FCHSD2: variants seen among roughly 807,000 people sequenced by gnomAD.
FCHSD2 encodes the protein F-BAR and double SH3 domains protein 2.
In FCHSD2, 38 loss-of-function variants were observed where a neutral mutation model predicts 108.1. That is an observed-to-expected ratio of 0.35 (90% CI 0.27 to 0.46). The LOEUF is 0.46. FCHSD2 is among the 20% of genes least tolerant of loss of function. The pLI, the probability that FCHSD2 is intolerant of heterozygous loss-of-function variation, is 1.00. For synonymous variants in FCHSD2, 279 were observed against 314.7 expected, an observed-to-expected ratio of 0.89 and a Z score of 1.20; for missense variants, 751 against 897.8, an observed-to-expected ratio of 0.84 and a Z score of 2.09.
chr11:72,945,549 G>A (rs566829487), intron 8 of FCHSD2, among the ~76,000 whole-genome samples: 1,797 of 152,242 alleles, frequency 0.012, 35 homozygotes, highest in African/African-American at 0.041. Flanking sequence ...ATTGACAAAT[G>A]GGATCTAATT....
At chr11:73,041,674 C>G (rs1263148060) in intron 3 of FCHSD2, among the ~76,000 whole-genome samples, 4 of 151,966 alleles carry the variant, frequency 2.6e-5, no homozygotes, top group Non-Finnish European at 5.9e-5. Context: ...TTGCAAATAC[C>G]TTCTCCCATT....
intron 3 of FCHSD2, among the ~76,000 whole-genome samples, chr11:73,045,113 G>A (rs1297970709): frequency 1.3e-5 from 2 of 151,468 alleles, no homozygotes; most frequent in Non-Finnish European, 2.9e-5. Context: ...CAAAGGTCAT[G>A]AACAGACACT....
intron 8 of FCHSD2, chr11:72,983,655 T>C (rs537725873): frequency 4.0e-4 from 87 of 217,626 alleles, no homozygotes; most frequent in Non-Finnish European, 6.8e-4. Context: ...TAACAAAAAT[T>C]ATGCTAAAAT....
chr11:72,886,595 A>G (rs1591370384), intron 12 of FCHSD2, among the ~76,000 whole-genome samples: 1 of 152,160 alleles, frequency 6.6e-6, no homozygotes, highest in African/African-American at 2.4e-5. Flanking sequence ...TCAGTCTTTT[A>G]TAAATGTCTA....
At chr11:73,068,582 G>C (rs573160220) in intron 3 of FCHSD2, among the ~76,000 whole-genome samples, 1 of 151,858 alleles carries the variant, frequency 6.6e-6, no homozygotes, top group African/African-American at 2.4e-5. Context: ...TATATTTTTG[G>C]TTTAAAGTTT....
chr11:72,841,222 T>C (rs930819672), intron 18 of FCHSD2, among the ~76,000 whole-genome samples: 8 of 150,778 alleles, frequency 5.3e-5, no homozygotes, highest in African/African-American at 2.0e-4. Context: ...TATTCCTAGC[T>C]ACTAGGGAGG....
chr11:72,891,500 G>A (rs1337114765), intron 10 of FCHSD2, among the ~76,000 whole-genome samples: 1 of 152,162 alleles, frequency 6.6e-6, no homozygotes. Flanking sequence ...GTTTGGGAAT[G>A]AACTTTACTA....
At chr11:72,916,703 T>A (rs1368854253) in intron 9 of FCHSD2, among the ~76,000 whole-genome samples, 1 of 152,226 alleles carries the variant, frequency 6.6e-6, no homozygotes, top group East Asian at 1.9e-4. Context: ...TTATCAGATA[T>A]GTGATGTGCA....
At chr11:72,876,669 C>A (rs1854977025) in intron 12 of FCHSD2, among the ~76,000 whole-genome samples, 1 of 152,064 alleles carries the variant, frequency 6.6e-6, no homozygotes, top group African/African-American at 2.4e-5. Flanking sequence ...TCGATGAATG[C>A]CAATTAGGTA....
At chr11:72,990,273 A>G (rs1857386249) in intron 5 of FCHSD2, among the ~76,000 whole-genome samples, 2 of 152,196 alleles carry the variant, frequency 1.3e-5, no homozygotes, top group African/African-American at 4.8e-5. Flanking sequence ...AGAAGACACA[A>G]TGTCAGCTGT....
At chr11:72,891,508 C>CTAT (rs1427093022) in intron 10 of FCHSD2, among the ~76,000 whole-genome samples, 1 of 152,136 alleles carries the variant, frequency 6.6e-6, no homozygotes, top group African/African-American at 2.4e-5. Flanking sequence ...ATGAACTTTA[C>CTAT]TATTATATTT....
rs569278371 is a variant in FCHSD2 at position 73,142,218 on chromosome 11, C to T, written c.-341G>A. 6.5e-4 allele frequency: 108 copies of T among 166,462 alleles called. No individual in the cohort carries two copies. The highest frequency in any genetic ancestry group is 2.4e-3 in the African/African-American group (101 of 41,892). The allele number at this position is 166,462 out of a possible 1,614,324, so 10.3% of individuals were successfully genotyped here. A position where few individuals can be genotyped will look rare whatever the true frequency, so the allele number is the denominator to read the frequency against. On this transcript the variant is annotated 5_prime_UTR_variant, in exon 1 of 20. Transcript: ENST00000409418. ...TCAGCCGGCCGGGCGGCGGGTTAGC[C>T]GCAGCCGCGTTGTCCGCGCTCCCGG...
chr11:72,878,580 A>C (rs1182266922), intron 12 of FCHSD2, among the ~76,000 whole-genome samples: 2 of 152,194 alleles, frequency 1.3e-5, no homozygotes, highest in Non-Finnish European at 2.9e-5. Flanking sequence ...TTCAAGGACT[A>C]ACGGGGGTAA....
intron 3 of FCHSD2, among the ~76,000 whole-genome samples, chr11:73,074,711 A>G (rs769861347): frequency 9.2e-5 from 14 of 152,264 alleles, no homozygotes; most frequent in Non-Finnish European, 1.6e-4. Context: ...TATCTGTAAT[A>G]CATACATCTG....
chr11:72,864,423 T>C (rs1284537086), intron 13 of FCHSD2, among the ~76,000 whole-genome samples: 9 of 152,116 alleles, frequency 5.9e-5, no homozygotes, highest in Non-Finnish European at 1.2e-4. Flanking sequence ...CATGAGCCTG[T>C]AGTCCCAGCT....
At chr11:72,930,968 C>A (rs914240772) in intron 8 of FCHSD2, among the ~76,000 whole-genome samples, 3 of 151,786 alleles carry the variant, frequency 2.0e-5, no homozygotes, top group African/African-American at 7.3e-5. Context: ...ATGACAAATG[C>A]TTGAGGGGAT....
At chr11:73,087,134 A>G (rs1022365584) in intron 2 of FCHSD2, among the ~76,000 whole-genome samples, 2 of 152,202 alleles carry the variant, frequency 1.3e-5, no homozygotes, top group African/African-American at 4.8e-5. Flanking sequence ...AAGGCAGAAG[A>G]CAATAATATT....
At chr11:72,938,097 C>A (rs1398186678) in intron 8 of FCHSD2, among the ~76,000 whole-genome samples, 1 of 151,580 alleles carries the variant, frequency 6.6e-6, no homozygotes, top group Admixed American at 6.6e-5. Context: ...CCCTCAATGG[C>A]AGAATTTAGT....
At chr11:73,069,534 C>T (rs553317597) in intron 3 of FCHSD2, among the ~76,000 whole-genome samples, 49 of 151,656 alleles carry the variant, frequency 3.2e-4, no homozygotes, top group African/African-American at 1.2e-3. Context: ...TAAGATAAAA[C>T]CCTCAAATAG....
Sources: gnomAD v4.1 joint callset for allele counts (sites outside exome capture counted in the v4.1 genomes callset) on GRCh38, gnomAD v4.1.1 for gene constraint, MANE v1.5 for transcripts, NCBI Gene and HGNC (gene_info 2026-07-23, HGNC 2026-07-21) for gene names.